The following MALT1 variants were observed in gnomAD, a reference collection of about 807,000 sequenced individuals.
MALT1 encodes MALT1 paracaspase.
MALT1 carries 36 observed loss-of-function variants against 85.5 expected under a neutral mutation model. The observed-to-expected ratio is 0.42, with a 90% CI of 0.32 to 0.56. The LOEUF (loss-of-function observed/expected upper bound fraction) is 0.56. MALT1 is among the 20% of genes least tolerant of loss of function. MALT1 has a pLI of 0.10. For synonymous variants in MALT1, 359 were observed against 361.3 expected (o/e 0.99, Z 0.07); for missense variants, 716 against 981.6 (o/e 0.73, Z 3.62).
chr18:58,737,767 G>T (rs757701280), intron 13 of MALT1, among the ~76,000 whole-genome samples: 2 of 152,096 alleles, frequency 1.3e-5, no homozygotes, highest in African/African-American at 4.8e-5. Flanking sequence ...ATTTTTGGTA[G>T]AGATAGGGTT....
In MALT1 at chr18:58,750,796, T is replaced by C. The variant is rs1421248801; in HGVS notation, c.*2954T>C. On this transcript the variant is annotated 3_prime_UTR_variant, in exon 17 of 17. Coordinates refer to ENST00000649217, the MANE Select transcript of MALT1 (RefSeq NM_006785.4). The stretch of plus-strand genomic sequence containing the variant: ...TTAGAAGAAAACAGAAGTAAATCTT[T>C]GTGATGTTGGGCTTAGGAATGGTTT... 1.3e-5 allele frequency: 2 copies of C among 152,310 alleles called. No individual in the cohort carries two copies. The highest frequency in any genetic ancestry group is 3.4e-3 in the Middle Eastern group (1 of 294). 9.4% of individuals were successfully genotyped at this position (152,310 alleles called of 1,614,324 possible).
chr18:58,698,256 G>A lies in MALT1; in HGVS notation c.498+1769G>A, dbSNP rs184499899. On this transcript the variant is annotated intron_variant, in intron 3 of 16. Coordinates refer to ENST00000649217, the MANE Select transcript of MALT1 (RefSeq NM_006785.4). Reference sequence around the variant, plus strand: ...TCATTTTTTGTGTTTTAGGAGAGACGGGGTTTCACCATGTTGGCCAGGGTG... The same window carrying A: ...TCATTTTTTGTGTTTTAGGAGAGACAGGGTTTCACCATGTTGGCCAGGGTG... 2.6e-3 allele frequency among the ~76,000 whole-genome samples: 397 copies of A among 151,292 alleles called. 1 individual carries two copies. Among genetic ancestry groups the A allele is most frequent in the Non-Finnish European group, 4.5e-3 (304 of 67,946 alleles).
chr18:58,689,377 G>A (rs1005587794), intron 2 of MALT1, among the ~76,000 whole-genome samples: 4 of 152,016 alleles, frequency 2.6e-5, no homozygotes, highest in African/African-American at 9.7e-5. Context: ...TACCTTGTGT[G>A]GTTATTTCAA....
intron 2 of MALT1, among the ~76,000 whole-genome samples, chr18:58,694,930 G>A (rs1206372948): frequency 2.0e-5 from 3 of 152,212 alleles, no homozygotes; most frequent in Admixed American, 6.5e-5. Flanking sequence ...TGGTTTGGCT[G>A]TATTCCCACC....
Position 58,688,536 on chromosome 18 carries a change from C to CAAAAA in MALT1, c.376+7223_376+7227dup, listed in dbSNP as rs552838701. On this transcript the variant is annotated intron_variant, in intron 2 of 16. Transcript: ENST00000649217. ...GCAACATAATGAGGCCCTGTTTCTACAAAAAAAAAAAAAAAAAAAAAAAAA... is the reference window on the plus strand; with the variant it reads ...GCAACATAATGAGGCCCTGTTTCTACAAAAAAAAAAAAAAAAAAAAAAAAAAAAAA... 1.7e-3 allele frequency among the ~76,000 whole-genome samples: 102 copies of CAAAAA among 61,388 alleles called. 6 individuals are homozygous for CAAAAA. The highest frequency in any genetic ancestry group is 0.01 in the East Asian group (10 of 980). 40.3% of individuals were successfully genotyped at this position (61,388 alleles called of 152,430 possible). A position where few individuals can be genotyped will look rare whatever the true frequency, so the allele number is the denominator to read the frequency against.
chr18:58,686,543 C>T (rs1433832787), intron 2 of MALT1, among the ~76,000 whole-genome samples: 3 of 152,158 alleles, frequency 2.0e-5, no homozygotes, highest in Non-Finnish European at 4.4e-5. Flanking sequence ...TTTTCAGCTC[C>T]AGTGCTGCAA....
At chr18:58,740,856 ATC>A (rs1372785694) in intron 13 of MALT1, among the ~76,000 whole-genome samples, 7 of 152,122 alleles carry the variant, frequency 4.6e-5, no homozygotes, top group African/African-American at 1.7e-4. Context: ...AGATGTTGAA[ATC>A]TCTCAATTTA....
intron 10 of MALT1, 75 bp downstream of exon 10, chr18:58,723,326 A>G: frequency 9.5e-7 from 1 of 1,049,216 alleles, no homozygotes. Flanking sequence ...TAAGAATTGA[A>G]AATCAGATAA....
chr18:58,681,950 T>G (rs1448842590), intron 2 of MALT1, among the ~76,000 whole-genome samples: 2 of 152,054 alleles, frequency 1.3e-5, no homozygotes, highest in Non-Finnish European at 2.9e-5. Context: ...GCAGATAGAG[T>G]TGGTCTACAG....
At chr18:58,728,678 C>G (rs565922839) in intron 10 of MALT1, among the ~76,000 whole-genome samples, 17 of 152,112 alleles carry the variant, frequency 1.1e-4, no homozygotes, top group Admixed American at 1.1e-3. Flanking sequence ...ACTTAATTCC[C>G]CTCAATATAA....
At chr18:58,739,172 A>G (rs969649570) in intron 13 of MALT1, among the ~76,000 whole-genome samples, 1 of 152,196 alleles carries the variant, frequency 6.6e-6, no homozygotes, top group Admixed American at 6.5e-5. Context: ...GAGATAAATC[A>G]CTTTCATTGG....
chr18:58,723,257 A>G lies in MALT1; in HGVS notation c.1222+6A>G, dbSNP rs1345793106. ...TTTAGACAAGGGAGTATATGGTAAGATATTTATAATGTTTGTTTTTACAAT... is the reference window on the plus strand; with the variant it reads ...TTTAGACAAGGGAGTATATGGTAAGGTATTTATAATGTTTGTTTTTACAAT... On this transcript the variant is annotated splice_donor_region_variant and intron_variant, in intron 10 of 16. Coordinates refer to ENST00000649217, the MANE Select transcript of MALT1 (RefSeq NM_006785.4). 6.3e-7 allele frequency: 1 copy of G among 1,586,834 alleles called. No homozygotes were observed. The highest frequency in any genetic ancestry group is 8.6e-7 in the Non-Finnish European group (1 of 1,156,440).
At chr18:58,709,585 G>A in intron 5 of MALT1, 29 bp downstream of exon 5, 1 of 1,554,280 alleles carries the variant, frequency 6.4e-7, no homozygotes, top group Non-Finnish European at 8.7e-7. Flanking sequence ...GGTCTTTTGG[G>A]GGAGTTAACA....
intron 2 of MALT1, among the ~76,000 whole-genome samples, chr18:58,681,950 T>C (rs1448842590): frequency 2.0e-5 from 3 of 152,054 alleles, no homozygotes; most frequent in Admixed American, 1.3e-4. Flanking sequence ...GCAGATAGAG[T>C]TGGTCTACAG....
intron 4 of MALT1, among the ~76,000 whole-genome samples, chr18:58,702,469 T>A (rs2054687423): frequency 6.6e-6 from 1 of 152,170 alleles, no homozygotes. Flanking sequence ...GAATACTAAA[T>A]ATGATCATTA....
At chr18:58,684,271 T>G (rs1221143763) in intron 2 of MALT1, among the ~76,000 whole-genome samples, 1 of 152,158 alleles carries the variant, frequency 6.6e-6, no homozygotes, top group African/African-American at 2.4e-5. Flanking sequence ...TGAAGTTTTA[T>G]GTCATGTTAG....
intron 4 of MALT1, among the ~76,000 whole-genome samples, chr18:58,703,965 CATA>C (rs1416233674): frequency 1.3e-5 from 2 of 152,110 alleles, no homozygotes; most frequent in East Asian, 1.9e-4. Context: ...TTCCACTCAG[CATA>C]ATGTTTTTAA....
intron 10 of MALT1, among the ~76,000 whole-genome samples, chr18:58,729,455 C>T (rs1334495358): frequency 7.0e-6 from 1 of 142,730 alleles, no homozygotes; most frequent in Non-Finnish European, 1.5e-5. Context: ...CACCATTGCA[C>T]TCCAGCCTGG....
chr18:58,738,241 T>C (rs1021719006), intron 13 of MALT1, among the ~76,000 whole-genome samples: 1 of 152,262 alleles, frequency 6.6e-6, no homozygotes, highest in Admixed American at 6.5e-5. Context: ...AAAGGTATTA[T>C]GCTCTATGTA....
Sources: allele counts gnomAD v4.1 joint callset (sites outside exome capture counted in the v4.1 genomes callset), GRCh38; gene constraint gnomAD v4.1.1; transcripts MANE v1.5; gene names NCBI Gene and HGNC (gene_info 2026-07-23, HGNC 2026-07-21).